MRPL15: variants seen among roughly 807,000 people sequenced by gnomAD.
MRPL15 encodes the protein mitochondrial ribosomal protein L15, also known as large ribosomal subunit protein uL15m.
MRPL15 carries 24 observed loss-of-function variants against 28.0 expected under a neutral mutation model. That is an observed-to-expected ratio of 0.86 (90% confidence interval 0.62 to 1.21). The LOEUF (loss-of-function observed/expected upper bound fraction) is 1.21. Ranked by LOEUF, MRPL15 falls within the 50% of genes most tolerant of loss-of-function variation. The probability of loss-of-function intolerance (pLI) is 0.00; values close to 1 mark genes in which losing one functional copy is unlikely to be tolerated. For synonymous variants in MRPL15, 124 were observed against 137.0 expected (o/e 0.90, Z 0.66); for missense variants, 343 against 372.4 (o/e 0.92, Z 0.65).
At chr8:54,141,622 C>T (rs531014429) in intron 3 of MRPL15, among the ~76,000 whole-genome samples, 171 of 152,094 alleles carry the variant, frequency 1.1e-3, no homozygotes, top group African/African-American at 3.9e-3. Context: ...GTTCCATGAC[C>T]GCCTCCTCTC....
Position 54,135,401 on chromosome 8 carries a change from T to G in MRPL15, c.108+10T>G, listed in dbSNP as rs1277382754. 4.6e-6 allele frequency: 7 copies of G among 1,525,432 alleles called. No individual in the cohort carries two copies. The highest frequency in any genetic ancestry group is 5.3e-6 in the Non-Finnish European group (6 of 1,134,204). The allele number at this position is 1,525,432 out of a possible 1,614,324, so 94.5% of individuals were successfully genotyped here. A position where few individuals can be genotyped will look rare whatever the true frequency, so the allele number is the denominator to read the frequency against. Reference sequence around the variant, plus strand: ...CGGCTCCAAGAAACCGGTAAATGGGTGGTGGCGGTGCGGGGAAGCGCTGGG... The same window carrying G: ...CGGCTCCAAGAAACCGGTAAATGGGGGGTGGCGGTGCGGGGAAGCGCTGGG... On this transcript the variant is annotated intron_variant, in intron 1 of 4. Transcript: ENST00000260102.
chr8:54,145,678 G>A (rs1485934569), intron 4 of MRPL15, among the ~76,000 whole-genome samples: 1 of 152,072 alleles, frequency 6.6e-6, no homozygotes, highest in Non-Finnish European at 1.5e-5. Context: ...GTCTCACTAT[G>A]TTGCTCAGGC....
intron 4 of MRPL15, among the ~76,000 whole-genome samples, chr8:54,143,026 A>G (rs1241151079): frequency 6.6e-6 from 1 of 152,086 alleles, no homozygotes; most frequent in Admixed American, 6.6e-5. Context: ...TGCCTGGCCA[A>G]TTCTCTAGAA....
chr8:54,147,579 G>T lies in MRPL15; in HGVS notation c.751G>T (p.Glu251Ter), dbSNP rs1166202238. The T allele has an allele frequency of 6.2e-7, 1 of 1,614,106 alleles. No homozygotes were observed. Among genetic ancestry groups the T allele is most frequent in the African/African-American group, 1.3e-5 (1 of 75,014 alleles). ...GYILPDITKD[E>*]LFKMLCTRKD... Reference sequence around the variant, plus strand: ...TATCTTACCTGATATCACTAAAGATGAACTCTTCAAAATGCTCTGTACTAG... The same window carrying T: ...TATCTTACCTGATATCACTAAAGATTAACTCTTCAAAATGCTCTGTACTAG... The change falls in exon 5 of 5, where the codon GAA (glutamate) becomes TAA (stop). Residue 251 changes from glutamate to a stop codon, truncating the protein, a stop_gained. Coordinates refer to ENST00000260102, the MANE Select transcript of MRPL15 (RefSeq NM_014175.4). LOFTEE classifies it high-confidence loss of function.
chr8:54,145,510 A>G (rs1444183867), intron 4 of MRPL15, among the ~76,000 whole-genome samples: 2 of 150,482 alleles, frequency 1.3e-5, no homozygotes, highest in African/African-American at 2.5e-5. Context: ...TTCATTTGAG[A>G]TGGTCTTGCT....
At chr8:54,137,961 G>C (rs1464178481) in intron 3 of MRPL15, among the ~76,000 whole-genome samples, 1 of 149,368 alleles carries the variant, frequency 6.7e-6, no homozygotes, top group Non-Finnish European at 1.5e-5. Context: ...TTTTTTTTTT[G>C]TTTTTGTTTT....
At chr8:54,146,776 TCTTGTGCGTAGGC>T (rs1288897244) in intron 4 of MRPL15, among the ~76,000 whole-genome samples, 2 of 152,364 alleles carry the variant, frequency 1.3e-5, no homozygotes, top group East Asian at 3.9e-4. Context: ...ATCTGTGATA[TCTTGTGCGTAGGC>T]CTTTTTTTCA....
chr8:54,140,574 C>CTTTTTTTTTTT lies in MRPL15; in HGVS notation c.430-2082_430-2072dup, dbSNP rs71551976. Among the ~76,000 whole-genome samples, 244 of 99,586 alleles carry CTTTTTTTTTTT rather than the reference C, an allele frequency of 2.5e-3. 19 individuals are homozygous for CTTTTTTTTTTT. Among genetic ancestry groups the CTTTTTTTTTTT allele is most frequent in the African/African-American group, 5.9e-3 (164 of 27,606 alleles). The allele number at this position is 99,586 out of a possible 152,430, so 65.3% of individuals were successfully genotyped here. On this transcript the variant is annotated intron_variant, in intron 3 of 4. Coordinates refer to ENST00000260102, the MANE Select transcript of MRPL15 (RefSeq NM_014175.4). Reference sequence around the variant, plus strand: ...CCGGCCTAGAACTACATTTTCTTTTCTTTTTTTTTTTTTTTTTGAGATGGA... The same window carrying CTTTTTTTTTTT: ...CCGGCCTAGAACTACATTTTCTTTTCTTTTTTTTTTTTTTTTTTTTTTTTTTTTGAGATGGA...
intron 3 of MRPL15, among the ~76,000 whole-genome samples, chr8:54,141,194 C>A (rs1255973592): frequency 1.3e-5 from 2 of 152,232 alleles, no homozygotes; most frequent in Non-Finnish European, 2.9e-5. Flanking sequence ...TGTGACTAAA[C>A]TCCCTGGATT....
Position 54,137,341 on chromosome 8 carries a change from A to G in MRPL15, c.337A>G (p.Ser113Gly), listed in dbSNP as rs148719420. 9.6e-5 allele frequency: 155 copies of G among 1,614,068 alleles called. No homozygotes were observed. The highest frequency in any genetic ancestry group is 3.0e-4 in the Admixed American group (18 of 60,008). The change falls in exon 3 of 5, where the codon AGT becomes GGT. Residue 113 changes from serine to glycine, a missense_variant. Coordinates refer to ENST00000260102, the MANE Select transcript of MRPL15 (RefSeq NM_014175.4). ...YLIDLGRVDPSQPIDLTQLVN... is the reference protein window; with the variant it reads ...YLIDLGRVDPGQPIDLTQLVN... ...TATTGATTTGGGTCGTGTTGATCCT[A>G]GTCAACCTATTGACTTAACCCAGCT...
At position 54,144,664 on chromosome 8, in the gene MRPL15, G is replaced by A. The variant is rs191072607; in HGVS notation, c.553+1878G>A. Among the ~76,000 whole-genome samples the A allele has an allele frequency of 2.6e-5, 4 of 151,906 alleles. No homozygotes were observed. In the East Asian group the frequency reaches 5.8e-4, roughly 22 times the overall value. On this transcript the variant is annotated intron_variant, in intron 4 of 4. Coordinates refer to ENST00000260102, the MANE Select transcript of MRPL15 (RefSeq NM_014175.4). ...CAGGCGCATGTAATCCCAACTACTC[G>A]GGAGACTAAGGCAGGAGAATCCCTT...
At chr8:54,137,548 C>A in intron 3 of MRPL15, 115 bp downstream of exon 3, 1 of 914,972 alleles carries the variant, frequency 1.1e-6, no homozygotes, top group African/African-American at 1.7e-5. Flanking sequence ...CTGCAACCTC[C>A]ACCTCACAAG....
chr8:54,145,198 T>G (rs1023632385), intron 4 of MRPL15, among the ~76,000 whole-genome samples: 10 of 152,192 alleles, frequency 6.6e-5, no homozygotes, highest in Admixed American at 1.3e-4. Flanking sequence ...TTTACTTTGT[T>G]GTACTTTAGT....
At position 54,136,564 on chromosome 8, in the gene MRPL15, A is replaced by G. The variant is rs752812796; in HGVS notation, c.162A>G (p.Lys54=). ...GTAGAAAATGTGGCAGAGGCCATAA[A>G]GGAGAAAGGCAAAGAGGAACCCGGC... ...RRGRKCGRGH[K]GERQRGTRPR... is the part of the protein sequence containing the mutation. Residue 54 remains lysine, a synonymous_variant, in exon 2 of 5, where the codon AAA becomes AAG. Coordinates refer to ENST00000260102, the MANE Select transcript of MRPL15 (RefSeq NM_014175.4). 6.2e-7 allele frequency: 1 copy of G among 1,614,238 alleles called. No homozygotes were observed. Among genetic ancestry groups the G allele is most frequent in the Non-Finnish European group, 8.5e-7 (1 of 1,180,030 alleles).
chr8:54,145,885 T>C (rs1811037770), intron 4 of MRPL15, among the ~76,000 whole-genome samples: 1 of 152,230 alleles, frequency 6.6e-6, no homozygotes, highest in Admixed American at 6.5e-5. Flanking sequence ...ATCCAGAGCA[T>C]GACCTGGCTT....
At chr8:54,137,174 TTGG>T in intron 2 of MRPL15, 91 bp from the exon 3 acceptor site, 1 of 1,263,560 alleles carries the variant, frequency 7.9e-7, no homozygotes, top group Non-Finnish European at 1.1e-6. Context: ...TTAAATAAAA[TTGG>T]TGGAGGAAAA....
intron 3 of MRPL15, among the ~76,000 whole-genome samples, chr8:54,138,243 C>T (rs1302315229): frequency 2.0e-5 from 3 of 151,572 alleles, no homozygotes; most frequent in Admixed American, 6.6e-5. Flanking sequence ...CGTGAGCCAC[C>T]GCCCACGGCG....
In MRPL15 at chr8:54,142,667, C is replaced by G; in HGVS notation, c.434C>G (p.Ala145Gly). The G allele has an allele frequency of 1.9e-6, 3 of 1,613,180 alleles. No homozygotes were observed. Among genetic ancestry groups the G allele is most frequent in the Non-Finnish European group, 2.5e-6 (3 of 1,179,738 alleles). The change falls in exon 4 of 5, where the codon GCT (alanine) becomes GGT (glycine). Residue 145 changes from alanine to glycine, a missense_variant. Physicochemically the swap from Ala to Gly is moderately conservative, Grantham distance 60. Coordinates refer to ENST00000260102, the MANE Select transcript of MRPL15 (RefSeq NM_014175.4). ...GACTGTTTTGACATATTTCAGGGTG[C>G]TGACACCTTTACGGCAAAAGTTAAT... ...DYGVQLVEEG[A>G]DTFTAKVNIE... is the part of the protein sequence containing the mutation.
chr8:54,138,301 C>CTTTTTTTTTTTT (rs71254537), intron 3 of MRPL15, among the ~76,000 whole-genome samples: 1 of 56,990 alleles, frequency 1.8e-5, no homozygotes, highest in African/African-American at 8.1e-5. Context: ...TCAGGAAGAT[C>CTTTTTTTTTTTT]TTTTTTTTTT....
Sources: gnomAD v4.1 joint callset for allele counts (sites outside exome capture counted in the v4.1 genomes callset) on GRCh38, gnomAD v4.1.1 for gene constraint, MANE v1.5 for transcripts, NCBI Gene and HGNC (gene_info 2026-07-23, HGNC 2026-07-21) for gene names.